The following DOCK3 variants were observed in gnomAD, a reference collection of about 807,000 sequenced individuals.
DOCK3 encodes the protein dedicator of cytokinesis 3, also known as dedicator of cytokinesis protein 3.
In DOCK3, 60 loss-of-function variants were observed where a neutral mutation model predicts 265.6. The ratio of observed to expected loss-of-function variants is 0.23; its 90% CI spans 0.18 to 0.28. The LOEUF is 0.28. Ranked by LOEUF, DOCK3 falls within the 10% of genes least tolerant of loss-of-function variation. The probability of loss-of-function intolerance (pLI) is 1.00; values close to 1 mark genes in which losing one functional copy is unlikely to be tolerated. For synonymous variants in DOCK3, 881 were observed against 938.0 expected (o/e 0.94, Z 1.11); for missense variants, 1,981 against 2,594.3 (o/e 0.76, Z 5.14).
chr3:51,168,880 TAAAC>T (rs1437315642), intron 12 of DOCK3, among the ~76,000 whole-genome samples: 2 of 151,242 alleles, frequency 1.3e-5, no homozygotes, highest in African/African-American at 4.9e-5. Flanking sequence ...ATAAGGAACT[TAAAC>T]AAATTTACAA....
At chr3:51,186,712 C>A (rs906674126) in intron 12 of DOCK3, among the ~76,000 whole-genome samples, 1 of 152,206 alleles carries the variant, frequency 6.6e-6, no homozygotes, top group Non-Finnish European at 1.5e-5. Flanking sequence ...TGCATCTCAG[C>A]TGCTCCAGCT....
rs950662638 is a variant in DOCK3 at position 50,997,999 on chromosome 3, T to G, written c.315+63922T>G. Among the ~76,000 whole-genome samples the G allele has an allele frequency of 2.6e-4, 39 of 152,232 alleles. 1 individual carries two copies. Among genetic ancestry groups the G allele is most frequent in the Middle Eastern group, 3.2e-3 (1 of 316 alleles). ...TTTTAATGGGTCTAATTTTAAAGAA[T>G]ATAATGTTGGGGTACTATATTACAA... On this transcript the variant is annotated intron_variant, in intron 5 of 52. Coordinates refer to ENST00000266037, the MANE Select transcript of DOCK3 (RefSeq NM_004947.5).
At chr3:50,798,463 A>T (rs2042906889) in intron 2 of DOCK3, among the ~76,000 whole-genome samples, 1 of 152,200 alleles carries the variant, frequency 6.6e-6, no homozygotes, top group Non-Finnish European at 1.5e-5. Flanking sequence ...AATGGCAGAT[A>T]TGGTCTTATT....
chr3:50,968,955 G>C (rs145742061), intron 5 of DOCK3, among the ~76,000 whole-genome samples: 1 of 152,250 alleles, frequency 6.6e-6, no homozygotes, highest in African/African-American at 2.4e-5. Context: ...CACATTTTGT[G>C]GTTATTGGGT....
intron 1 of DOCK3, among the ~76,000 whole-genome samples, chr3:50,732,472 G>A (rs750982194): frequency 2.6e-5 from 4 of 151,214 alleles, no homozygotes; most frequent in Admixed American, 6.6e-5. Context: ...GGCGTGATAC[G>A]TAGCTCACAG....
chr3:50,865,436 C>CAT (rs373938815), intron 3 of DOCK3, among the ~76,000 whole-genome samples: 14 of 152,182 alleles, frequency 9.2e-5, no homozygotes, highest in African/African-American at 3.4e-4. Context: ...TTTCACTTAA[C>CAT]ATAGTGATCT....
At chr3:51,227,101 A>G (rs1163956723) in intron 15 of DOCK3, among the ~76,000 whole-genome samples, 182 bp from the exon 16 acceptor site, 1 of 152,198 alleles carries the variant, frequency 6.6e-6, no homozygotes, top group East Asian at 1.9e-4. Flanking sequence ...GATTTCATAT[A>G]CCATCTATGT....
chr3:51,086,043 T>TCTCACAGCCTTCAGAGCTGAGAGC (rs2082407933), intron 7 of DOCK3, among the ~76,000 whole-genome samples: 1 of 151,858 alleles, frequency 6.6e-6, no homozygotes, highest in Admixed American at 6.6e-5. Flanking sequence ...AAATCAGGAG[T>TCTCACAGCCTTCAGAGCTGAGAGC]CTCACAGCCT....
intron 5 of DOCK3, among the ~76,000 whole-genome samples, chr3:50,937,219 G>T (rs1225269831): frequency 7.1e-6 from 1 of 141,406 alleles, no homozygotes; most frequent in Non-Finnish European, 1.5e-5. Context: ...GGAGGTTTCA[G>T]TAAGCCAAGA....
intron 2 of DOCK3, chr3:50,788,058 C>T (rs1336321691): frequency 1.3e-6 from 1 of 749,386 alleles, no homozygotes; most frequent in Non-Finnish European, 2.2e-6. Flanking sequence ...TGTGGCTGTT[C>T]TTCTGTTTCA....
intron 10 of DOCK3, among the ~76,000 whole-genome samples, chr3:51,147,711 G>T (rs775256157): frequency 2.6e-5 from 4 of 152,216 alleles, no homozygotes; most frequent in Non-Finnish European, 2.9e-5. Context: ...TGGTGTATAT[G>T]TGCCACATTT....
At chr3:51,289,848 A>T (rs2081631595) in intron 27 of DOCK3, among the ~76,000 whole-genome samples, 1 of 152,236 alleles carries the variant, frequency 6.6e-6, no homozygotes, top group Non-Finnish European at 1.5e-5. Context: ...ACAAGAAAAA[A>T]ACAACCCCAT....
intron 5 of DOCK3, among the ~76,000 whole-genome samples, chr3:50,993,741 A>C (rs563660216): frequency 2.0e-5 from 3 of 152,346 alleles, no homozygotes; most frequent in Admixed American, 2.0e-4. Context: ...CTCCATCTTT[A>C]GGCTCCCTTA....
chr3:51,268,000 G>A (rs1404635754), intron 23 of DOCK3, among the ~76,000 whole-genome samples: 1 of 152,038 alleles, frequency 6.6e-6, no homozygotes, highest in African/African-American at 2.4e-5. Context: ...GGGGGTCGGG[G>A]GACTAGGGGA....
chr3:50,679,385 T>C (rs1027333932), intron 1 of DOCK3, among the ~76,000 whole-genome samples: 62 of 152,212 alleles, frequency 4.1e-4, no homozygotes, highest in Admixed American at 1.3e-4. Flanking sequence ...TACATTTTAG[T>C]TTTGTAATGT....
At chr3:51,188,111 A>C (rs1167360815) in intron 12 of DOCK3, among the ~76,000 whole-genome samples, 1 of 152,170 alleles carries the variant, frequency 6.6e-6, no homozygotes, top group South Asian at 2.1e-4. Flanking sequence ...AATGCTCAAC[A>C]TAGTCTTTTG....
chr3:51,180,448 G>A (rs1458213305), intron 12 of DOCK3, among the ~76,000 whole-genome samples: 2 of 152,184 alleles, frequency 1.3e-5, no homozygotes, highest in African/African-American at 4.8e-5. Context: ...TCTGGAGGTT[G>A]TAGGGAAGAA....
chr3:51,008,199 A>G (rs1045063744), intron 5 of DOCK3, among the ~76,000 whole-genome samples: 4 of 152,168 alleles, frequency 2.6e-5, no homozygotes, highest in South Asian at 2.1e-4. Flanking sequence ...CATTGAATCT[A>G]TAAATTACCT....
intron 38 of DOCK3, among the ~76,000 whole-genome samples, chr3:51,343,945 C>T (rs1354720308): frequency 6.6e-6 from 1 of 152,124 alleles, no homozygotes; most frequent in Non-Finnish European, 1.5e-5. Context: ...CCAGGCCAGA[C>T]AAGGAGAGAG....
Sources: allele counts gnomAD v4.1 joint callset (sites outside exome capture counted in the v4.1 genomes callset), GRCh38; gene constraint gnomAD v4.1.1; transcripts MANE v1.5; gene names NCBI Gene and HGNC (gene_info 2026-07-23, HGNC 2026-07-21).